NPAS3: variants seen among roughly 807,000 people sequenced by gnomAD.
NPAS3 encodes the protein neuronal PAS domain-containing protein 3.
In NPAS3, 14 loss-of-function variants were observed where a neutral mutation model predicts 73.1. The ratio of observed to expected loss-of-function variants is 0.19; its 90% confidence interval spans 0.13 to 0.30. The LOEUF is 0.30. Among genes scored for constraint, NPAS3 ranks in the 10% least tolerant of loss-of-function variants. The probability of loss-of-function intolerance (pLI) is 1.00; values close to 1 mark genes in which losing one functional copy is unlikely to be tolerated. For synonymous variants in NPAS3, 620 were observed against 541.5 expected, an observed-to-expected ratio of 1.14 and a Z score of -2.01; for missense variants, 1,096 against 1,250.0, an observed-to-expected ratio of 0.88 and a Z score of 1.86.
At chr14:33,280,976 T>C (rs935234403) in intron 3 of NPAS3, among the ~76,000 whole-genome samples, 14 of 152,222 alleles carry the variant, frequency 9.2e-5, no homozygotes, top group Non-Finnish European at 1.5e-5. Flanking sequence ...ACTCCTTATA[T>C]ATACCAAATT....
At chr14:33,378,719 T>G (rs1235135253) in intron 4 of NPAS3, among the ~76,000 whole-genome samples, 1 of 152,216 alleles carries the variant, frequency 6.6e-6, no homozygotes, top group African/African-American at 2.4e-5. Context: ...GACTCACGCC[T>G]TCTCTTAGCA....
chr14:33,457,204 T>C (rs1474331662), intron 4 of NPAS3, among the ~76,000 whole-genome samples: 1 of 152,224 alleles, frequency 6.6e-6, no homozygotes, highest in Non-Finnish European at 1.5e-5. Context: ...TTCTGTATCC[T>C]GGATACAAGT....
intron 1 of NPAS3, among the ~76,000 whole-genome samples, chr14:33,013,649 A>G (rs1374856178): frequency 1.3e-5 from 2 of 152,180 alleles, no homozygotes; most frequent in African/African-American, 4.8e-5. Context: ...TATGCTTTTA[A>G]AAAGATTAAT....
intron 4 of NPAS3, among the ~76,000 whole-genome samples, chr14:33,415,384 A>G (rs560297140): frequency 1.2e-3 from 180 of 152,140 alleles, no homozygotes; most frequent in Non-Finnish European, 2.0e-3. Flanking sequence ...TATTTATTTT[A>G]TGTCCTCCCC....
At chr14:33,690,449 CCAA>C (rs2060205169) in intron 6 of NPAS3, among the ~76,000 whole-genome samples, 1 of 152,064 alleles carries the variant, frequency 6.6e-6, no homozygotes. Context: ...TTAGTCACTG[CCAA>C]CCTGGACAAA....
chr14:33,024,827 C>T (rs1236512525), intron 1 of NPAS3, among the ~76,000 whole-genome samples: 4 of 152,094 alleles, frequency 2.6e-5, no homozygotes, highest in South Asian at 2.1e-4. Context: ...ATAATGAACA[C>T]GTATTACTTT....
At chr14:33,348,720 C>A (rs1045704787) in intron 3 of NPAS3, among the ~76,000 whole-genome samples, 3 of 151,670 alleles carry the variant, frequency 2.0e-5, no homozygotes, top group African/African-American at 7.3e-5. Flanking sequence ...GGAGCCATGC[C>A]AAGGCCTGGA....
chr14:33,683,204 A>G (rs1166831168), intron 6 of NPAS3, among the ~76,000 whole-genome samples: 1 of 152,110 alleles, frequency 6.6e-6, no homozygotes, highest in Non-Finnish European at 1.5e-5. Flanking sequence ...AATATACAGT[A>G]GGTTCTCTCA....
chr14:33,371,696 G>C (rs1335923394), intron 4 of NPAS3, among the ~76,000 whole-genome samples: 1 of 152,142 alleles, frequency 6.6e-6, no homozygotes, highest in Non-Finnish European at 1.5e-5. Flanking sequence ...GTCTATGTGT[G>C]TGTGTAAACG....
intron 2 of NPAS3, among the ~76,000 whole-genome samples, chr14:33,065,251 T>G (rs2041239287): frequency 6.6e-6 from 1 of 151,932 alleles, no homozygotes; most frequent in Non-Finnish European, 1.5e-5. Context: ...GTGAGAAAGG[T>G]GTGGTGAGAA....
chr14:33,549,567 T>C (rs1253743672), intron 4 of NPAS3, among the ~76,000 whole-genome samples: 1 of 152,152 alleles, frequency 6.6e-6, no homozygotes, highest in Non-Finnish European at 1.5e-5. Context: ...GATACATCAA[T>C]CAGATGGCTA....
At chr14:33,682,720 G>A (rs990640714) in intron 6 of NPAS3, among the ~76,000 whole-genome samples, 32 of 152,194 alleles carry the variant, frequency 2.1e-4, no homozygotes, top group African/African-American at 7.0e-4. Flanking sequence ...CAAGGCCTAG[G>A]CATACTTATC....
At chr14:33,297,856 C>T (rs2042366892) in intron 3 of NPAS3, among the ~76,000 whole-genome samples, 2 of 152,214 alleles carry the variant, frequency 1.3e-5, no homozygotes, top group African/African-American at 2.4e-5. Context: ...GCGAGTATCA[C>T]TTCACCTATT....
At chr14:33,453,086 G>T (rs1056994469) in intron 4 of NPAS3, among the ~76,000 whole-genome samples, 15 of 152,112 alleles carry the variant, frequency 9.9e-5, no homozygotes, top group Non-Finnish European at 1.3e-4. Flanking sequence ...GGTTCATTTT[G>T]AAATGAGCCA....
chr14:33,627,320 C>T (rs1414261128), intron 5 of NPAS3, among the ~76,000 whole-genome samples: 1 of 152,114 alleles, frequency 6.6e-6, no homozygotes, highest in Admixed American at 6.5e-5. Context: ...CTGATACCCT[C>T]TTCAGACACA....
chr14:33,279,946 T>C (rs1311946821), intron 3 of NPAS3, among the ~76,000 whole-genome samples: 1 of 152,130 alleles, frequency 6.6e-6, no homozygotes, highest in Non-Finnish European at 1.5e-5. Flanking sequence ...GACCCAAAGA[T>C]AGATTGCAAA....
chr14:33,396,436 T>C (rs2047225803), intron 4 of NPAS3, among the ~76,000 whole-genome samples: 1 of 152,202 alleles, frequency 6.6e-6, no homozygotes, highest in South Asian at 2.1e-4. Context: ...GCGTTCTCTA[T>C]TGGCTCCTCA....
intron 2 of NPAS3, among the ~76,000 whole-genome samples, chr14:33,072,284 T>C (rs2041511836): frequency 6.6e-6 from 1 of 152,228 alleles, no homozygotes; most frequent in South Asian, 2.1e-4. Flanking sequence ...GACTAATTTA[T>C]GGGAACCACA....
At chr14:33,494,426 G>A (rs77475314) in intron 4 of NPAS3, among the ~76,000 whole-genome samples, 4,901 of 152,194 alleles carry the variant, frequency 0.032, 115 homozygotes, top group South Asian at 0.058. Flanking sequence ...ATGATCCCTT[G>A]GGCATGATGG....
Sources: gnomAD v4.1 joint callset for allele counts (sites outside exome capture counted in the v4.1 genomes callset) on GRCh38, gnomAD v4.1.1 for gene constraint, MANE v1.5 for transcripts, NCBI Gene and HGNC (gene_info 2026-07-23, HGNC 2026-07-21) for gene names.